UST: variants seen among roughly 807,000 people sequenced by gnomAD.
The protein encoded by UST is chondroitin sulfate 2-O-sulfotransferase.
A neutral mutation model predicts 45.6 loss-of-function variants in UST; 21 were observed. The ratio of observed to expected loss-of-function variants is 0.46; its 90% CI spans 0.33 to 0.66. UST has a LOEUF of 0.66. Among genes scored for constraint, UST ranks in the 30% least tolerant of loss-of-function variants. The pLI, the probability that UST is intolerant of heterozygous loss-of-function variation, is 0.02. For missense variants in UST, 463 were observed against 512.4 expected, an observed-to-expected ratio of 0.90 and a Z score of 0.93; for synonymous variants, 215 against 200.6, an observed-to-expected ratio of 1.07 and a Z score of -0.61.
At chr6:148,999,027 C>A (rs1404952545) in intron 5 of UST, among the ~76,000 whole-genome samples, 1 of 152,214 alleles carries the variant, frequency 6.6e-6, no homozygotes, top group African/African-American at 2.4e-5. Context: ...TGAGTGGAGC[C>A]CGCATCTGGA....
At chr6:149,056,376 G>A (rs1776567050) in intron 7 of UST, among the ~76,000 whole-genome samples, 1 of 151,712 alleles carries the variant, frequency 6.6e-6, no homozygotes, top group Non-Finnish European at 1.5e-5. Context: ...CAAAGTGCTG[G>A]GATTACAGGC....
chr6:149,050,312 A>T (rs1047806912), intron 7 of UST, among the ~76,000 whole-genome samples: 2 of 152,244 alleles, frequency 1.3e-5, no homozygotes, highest in African/African-American at 4.8e-5. Flanking sequence ...ATGATGGTTT[A>T]GCAAATCGGA....
At chr6:148,857,690 G>A (rs1168832160) in intron 1 of UST, among the ~76,000 whole-genome samples, 1 of 150,730 alleles carries the variant, frequency 6.6e-6, no homozygotes, top group Non-Finnish European at 1.5e-5. Context: ...TCCCAGATGT[G>A]AGGCAGATGT....
At chr6:148,945,972 G>C (rs1349715460) in intron 3 of UST, among the ~76,000 whole-genome samples, 1 of 152,198 alleles carries the variant, frequency 6.6e-6, no homozygotes, top group African/African-American at 2.4e-5. Context: ...GGAGGAGAGA[G>C]AGATCCTATG....
At position 148,934,088 on chromosome 6, in the gene UST, A is replaced by G. The variant is rs1779973485; in HGVS notation, c.292-7191A>G. 6.6e-6 allele frequency among the ~76,000 whole-genome samples: 1 copy of G among 152,366 alleles called. No individual in the cohort carries two copies. The highest frequency in any genetic ancestry group is 6.5e-5 in the Admixed American group (1 of 15,300). ...CTGAAATTAATTTAATAGCTTCAGA[A>G]GAAAATATCATTTATTGGGTTATAA... On this transcript the variant is annotated intron_variant, in intron 2 of 7. Transcript: ENST00000367463. This position sits in a 1 kb window ranked among gnomAD's most constrained non-coding sequence, Gnocchi z 4.1.
At chr6:149,058,903 C>A (rs553592027) in intron 7 of UST, among the ~76,000 whole-genome samples, 1 of 152,116 alleles carries the variant, frequency 6.6e-6, no homozygotes, top group Non-Finnish European at 1.5e-5. Context: ...AAAACACACA[C>A]GTAGCACATA....
chr6:148,832,983 G>A (rs1321759449), intron 1 of UST, among the ~76,000 whole-genome samples: 4 of 152,110 alleles, frequency 2.6e-5, no homozygotes, highest in African/African-American at 7.2e-5. Flanking sequence ...ATCTCAAATC[G>A]TTAATAACAA....
At chr6:148,897,136 G>A (rs889945991) in intron 2 of UST, among the ~76,000 whole-genome samples, 28 of 151,910 alleles carry the variant, frequency 1.8e-4, no homozygotes, top group East Asian at 9.7e-4. Context: ...CCCTATTTTC[G>A]TTGGAGTTTT....
intron 2 of UST, among the ~76,000 whole-genome samples, chr6:148,928,798 C>T (rs891154305): frequency 6.6e-6 from 1 of 152,234 alleles, no homozygotes; most frequent in African/African-American, 2.4e-5. Context: ...TTATTGCCAT[C>T]TCTAGCTAAA....
intron 2 of UST, among the ~76,000 whole-genome samples, chr6:148,910,457 T>G (rs918581546): frequency 6.6e-6 from 1 of 152,100 alleles, no homozygotes; most frequent in Non-Finnish European, 1.5e-5. Context: ...TACTCAGCTT[T>G]CTTTCCTTCC....
At chr6:149,038,621 A>G (rs1776268750) in intron 7 of UST, among the ~76,000 whole-genome samples, 1 of 152,220 alleles carries the variant, frequency 6.6e-6, no homozygotes. Context: ...GCAACTTGTT[A>G]TCATAGGAAA....
At chr6:148,891,249 A>G (rs1244714385) in intron 2 of UST, among the ~76,000 whole-genome samples, 1 of 152,124 alleles carries the variant, frequency 6.6e-6, no homozygotes, top group Non-Finnish European at 1.5e-5. Context: ...CCTTGGCTTC[A>G]CTTCACCTGG....
At chr6:148,751,437 G>A (rs1470860020) in intron 1 of UST, among the ~76,000 whole-genome samples, 34 of 152,146 alleles carry the variant, frequency 2.2e-4, no homozygotes, top group Admixed American at 2.2e-3. Flanking sequence ...GGGGAAGGAC[G>A]AGAACAGAGC....
Position 148,790,002 on chromosome 6 carries a change from T to C in UST, c.247+42325T>C, listed in dbSNP as rs1400377216. Among the ~76,000 whole-genome samples the C allele has an allele frequency of 6.6e-6, 1 of 151,758 alleles. No individual in the cohort carries two copies. Among genetic ancestry groups the C allele is most frequent in the Admixed American group, 6.6e-5 (1 of 15,250 alleles). ...GATTTCAGGATTCTTTTTTTTTTTT[T>C]TTTTTTCCAGCTTTAAGTGCCTATC... is the stretch of plus-strand genomic sequence containing the variant. On this transcript the variant is annotated intron_variant, in intron 1 of 7. Coordinates refer to ENST00000367463, the MANE Select transcript of UST (RefSeq NM_005715.3). This position sits in a 1 kb window ranked among gnomAD's most constrained non-coding sequence, Gnocchi z 4.2.
chr6:148,772,047 T>C (rs1776438439), intron 1 of UST, among the ~76,000 whole-genome samples: 1 of 152,218 alleles, frequency 6.6e-6, no homozygotes, highest in African/African-American at 2.4e-5. Context: ...GCACTATACA[T>C]TGGCTGTTTA....
rs560459128 is a variant in UST at position 148,865,288 on chromosome 6, G to A, written c.248-21698G>A. Among the ~76,000 whole-genome samples the A allele has an allele frequency of 2.0e-5, 3 of 152,312 alleles. No individual in the cohort carries two copies. In the East Asian group the frequency reaches 5.8e-4, roughly 29 times the overall value. ...AAAGAAGCTCAAAATGGTCTCTGGA[G>A]TGGAGTAACAGCAGGGCTTACTTTT... On this transcript the variant is annotated intron_variant, in intron 1 of 7. Transcript: ENST00000367463.
At chr6:148,919,811 G>T (rs1420739139) in intron 2 of UST, among the ~76,000 whole-genome samples, 2 of 152,108 alleles carry the variant, frequency 1.3e-5, no homozygotes, top group Non-Finnish European at 2.9e-5. Context: ...ACTTTCCAGG[G>T]TGTTGCCAGG....
chr6:148,806,791 A>G (rs1387695336), intron 1 of UST, among the ~76,000 whole-genome samples: 1 of 152,216 alleles, frequency 6.6e-6, no homozygotes, highest in East Asian at 1.9e-4. Context: ...AGAAGGCATC[A>G]CATGGCGAGG....
intron 1 of UST, among the ~76,000 whole-genome samples, chr6:148,759,797 A>G (rs1462610997): frequency 1.4e-5 from 2 of 147,168 alleles, no homozygotes; most frequent in Admixed American, 6.8e-5. Context: ...GCAGTGAGAC[A>G]AGATCGCACC....
Sources: gnomAD v4.1 joint callset for allele counts (sites outside exome capture counted in the v4.1 genomes callset) on GRCh38, gnomAD v4.1.1 for gene constraint, Gnocchi (gnomAD v3.1) non-coding constraint, MANE v1.5 for transcripts, NCBI Gene and HGNC (gene_info 2026-07-23, HGNC 2026-07-21) for gene names.